CUX1: variants seen among roughly 807,000 people sequenced by gnomAD.
The protein encoded by CUX1 is cut like homeobox 1, also known as protein CASP.
CUX1 carries 31 observed loss-of-function variants against 158.8 expected under a neutral mutation model. That is an observed-to-expected ratio of 0.20 (90% confidence interval 0.15 to 0.26). The LOEUF is 0.26. CUX1 is among the 10% of genes least tolerant of loss of function. The pLI is 1.00. For missense variants in CUX1, 1,589 were observed against 2,014.6 expected, an observed-to-expected ratio of 0.79 and a Z score of 4.04; for synonymous variants, 879 against 862.1, an observed-to-expected ratio of 1.02 and a Z score of -0.34.
chr7:102,133,821 A>C (rs1206402106), intron 8 of CUX1, among the ~76,000 whole-genome samples: 2 of 152,154 alleles, frequency 1.3e-5, no homozygotes, highest in Non-Finnish European at 1.5e-5. Flanking sequence ...GCAATGTAGC[A>C]TTTCCTTCCA....
intron 3 of CUX1, among the ~76,000 whole-genome samples, chr7:102,030,691 G>GTTTTTTTTTTTTGTTTTTTGTTTTTTGT (rs1820674187): frequency 2.5e-5 from 3 of 119,384 alleles, no homozygotes; most frequent in African/African-American, 9.3e-5. Context: ...TTTAAAAAGT[G>GTTTTTTTTTTTTGTTTTTTGTTTTTTGT]TTTTTTTTTT....
intron 2 of CUX1, among the ~76,000 whole-genome samples, chr7:101,973,201 C>T (rs1404507404): frequency 6.6e-6 from 1 of 152,112 alleles, no homozygotes; most frequent in Non-Finnish European, 1.5e-5. Context: ...GGCTGGGCCC[C>T]TTTAGATTTT....
At chr7:102,195,926 C>T (rs1004824619) in intron 14 of CUX1, among the ~76,000 whole-genome samples, 5 of 152,206 alleles carry the variant, frequency 3.3e-5, no homozygotes, top group African/African-American at 9.6e-5. Context: ...TTGTGCTGCA[C>T]AGAGGCCAGG....
intron 1 of CUX1, among the ~76,000 whole-genome samples, chr7:101,818,727 T>C (rs1792157369): frequency 6.6e-6 from 1 of 152,208 alleles, no homozygotes; most frequent in Non-Finnish European, 1.5e-5. Flanking sequence ...GAATACGGAA[T>C]GTCAAAGTTC....
chr7:102,189,519 C>T (rs1794052186), intron 11 of CUX1, among the ~76,000 whole-genome samples: 1 of 152,124 alleles, frequency 6.6e-6, no homozygotes, highest in African/African-American at 2.4e-5. Context: ...CCTCAGCCTC[C>T]CAAAGTGCTG....
chr7:102,166,642 T>A (rs537817964), intron 9 of CUX1, among the ~76,000 whole-genome samples: 1 of 152,312 alleles, frequency 6.6e-6, no homozygotes, highest in South Asian at 2.1e-4. Flanking sequence ...ACTTCTCAGC[T>A]CCTGAAATGA....
At chr7:102,217,593 G>A (rs912152352) in intron 20 of CUX1, among the ~76,000 whole-genome samples, 6 of 152,232 alleles carry the variant, frequency 3.9e-5, no homozygotes, top group Non-Finnish European at 7.3e-5. Flanking sequence ...GGTGTCTAGA[G>A]GGAGGGAGGC....
intron 2 of CUX1, among the ~76,000 whole-genome samples, chr7:101,976,796 T>C (rs1193753189): frequency 2.0e-5 from 3 of 151,924 alleles, no homozygotes; most frequent in Admixed American, 2.0e-4. Context: ...TCTGTCACAG[T>C]TCAGGGGAAA....
intron 3 of CUX1, among the ~76,000 whole-genome samples, chr7:102,049,454 C>T (rs1259400183): frequency 1.3e-5 from 2 of 152,190 alleles, no homozygotes; most frequent in East Asian, 1.9e-4. Flanking sequence ...CATGCTTATT[C>T]TGTAAAGCCT....
intron 8 of CUX1, among the ~76,000 whole-genome samples, chr7:102,117,534 G>A (rs933407004): frequency 5.3e-5 from 8 of 152,126 alleles, no homozygotes; most frequent in African/African-American, 1.9e-4. Flanking sequence ...GAGACTGAAG[G>A]TGAGGGCCCC....
intron 2 of CUX1, among the ~76,000 whole-genome samples, chr7:101,971,349 G>A (rs1386265201): frequency 6.6e-6 from 1 of 152,172 alleles, no homozygotes; most frequent in African/African-American, 2.4e-5. Flanking sequence ...GAACGAAGAG[G>A]AAAGAAAGTG....
intron 3 of CUX1, among the ~76,000 whole-genome samples, chr7:102,066,621 A>G (rs1361777894): frequency 6.6e-6 from 1 of 152,180 alleles, no homozygotes; most frequent in African/African-American, 2.4e-5. Flanking sequence ...CCCTAGGCAG[A>G]TCCTAAGCCA....
chr7:102,062,976 G>C (rs918265102), intron 3 of CUX1, among the ~76,000 whole-genome samples: 2 of 152,108 alleles, frequency 1.3e-5, no homozygotes, highest in African/African-American at 4.8e-5. Flanking sequence ...ATGGTGGCAG[G>C]CACCTGTAAT....
chr7:101,844,306 T>G (rs1795464059), intron 1 of CUX1, among the ~76,000 whole-genome samples: 1 of 152,042 alleles, frequency 6.6e-6, no homozygotes, highest in Non-Finnish European at 1.5e-5. Flanking sequence ...AGAGCACTTT[T>G]GTTAAGTATT....
intron 1 of CUX1, among the ~76,000 whole-genome samples, chr7:101,890,281 A>G (rs980164164): frequency 6.6e-6 from 1 of 152,280 alleles, no homozygotes; most frequent in Non-Finnish European, 1.5e-5. Context: ...GTGTCCCCCA[A>G]ACCGGCACAG....
At chr7:101,978,385 G>T (rs541021704) in intron 2 of CUX1, among the ~76,000 whole-genome samples, 2 of 152,158 alleles carry the variant, frequency 1.3e-5, no homozygotes, top group South Asian at 4.2e-4. Context: ...GTGCCCTGGG[G>T]CTCCCCCTCC....
intron 20 of CUX1, among the ~76,000 whole-genome samples, chr7:102,218,244 C>T (rs1384030477): frequency 6.6e-6 from 1 of 152,238 alleles, no homozygotes; most frequent in African/African-American, 2.4e-5. Context: ...GTCTGCCTTG[C>T]TCACGGCTGT....
chr7:102,088,253 T>C (rs1244788472), intron 4 of CUX1, among the ~76,000 whole-genome samples: 3 of 152,124 alleles, frequency 2.0e-5, no homozygotes, highest in Non-Finnish European at 2.9e-5. Flanking sequence ...CTGCCTTGGC[T>C]TCCCAAAGTG....
In CUX1 at chr7:102,251,500, G is replaced by C; in HGVS notation, c.*2458G>C. ...ATAAGAAGTTTTCAGAAGGCTCTAGGGGGCTGGGAGGCAGGCTGTTCGTTT... is the reference window on the plus strand; with the variant it reads ...ATAAGAAGTTTTCAGAAGGCTCTAGCGGGCTGGGAGGCAGGCTGTTCGTTT... On this transcript the variant is annotated 3_prime_UTR_variant, in exon 24 of 24. Transcript: ENST00000292535. The C allele has an allele frequency of 1.0e-6, 1 of 985,404 alleles. No homozygotes were observed. The highest frequency in any genetic ancestry group is 1.2e-6 in the Non-Finnish European group (1 of 829,932). The allele number at this position is 985,404 out of a possible 1,614,324, so 61.0% of individuals were successfully genotyped here.
Sources: allele counts gnomAD v4.1 joint callset (sites outside exome capture counted in the v4.1 genomes callset), GRCh38; gene constraint gnomAD v4.1.1; transcripts MANE v1.5; gene names NCBI Gene and HGNC (gene_info 2026-07-23, HGNC 2026-07-21).